Variants in STN1 observed in about 807,000 individuals in gnomAD.
STN1 encodes the protein STN1 subunit of CST complex, also known as CST complex subunit STN1.
STN1 carries 29 observed loss-of-function variants against 45.5 expected under a neutral mutation model. That is an observed-to-expected ratio of 0.64 (90% confidence interval 0.47 to 0.87). The LOEUF (loss-of-function observed/expected upper bound fraction) is 0.87, where lower values mean the gene tolerates loss of function less well. Among genes scored for constraint, STN1 ranks in the 40% least tolerant of loss-of-function variants. The probability of loss-of-function intolerance (pLI) is 0.00; values close to 1 mark genes in which losing one functional copy is unlikely to be tolerated. For missense variants in STN1, 376 were observed against 441.4 expected (o/e 0.85, Z 1.33); for synonymous variants, 148 against 159.0 (o/e 0.93, Z 0.52).
In STN1 at chr10:103,897,616, G is replaced by C. The variant is rs1389736599; in HGVS notation, c.685C>G (p.Leu229Val). 5 of 1,614,034 alleles carry C rather than the reference G, an allele frequency of 3.1e-6. No homozygotes were observed. The highest frequency in any genetic ancestry group is 4.2e-6 in the Non-Finnish European group (5 of 1,180,020). The change falls in exon 7 of 10, where the codon CTG (leucine) becomes GTG (valine). Residue 229 changes from leucine to valine, a missense_variant. Coordinates refer to ENST00000224950, the MANE Select transcript of STN1 (RefSeq NM_024928.5). ...GACAGCAAAGACTCCACCATTTCCAGCTCCTGCTGGTAAAAGCTCTGCACT... is the reference window on the plus strand; with the variant it reads ...GACAGCAAAGACTCCACCATTTCCACCTCCTGCTGGTAAAAGCTCTGCACT... ...NRVQSFYQQE[L>V]EMVESLLSLA...
chr10:103,909,462 A>ATATATG (rs1235767035), intron 3 of STN1, among the ~76,000 whole-genome samples: 2 of 102,732 alleles, frequency 1.9e-5, no homozygotes, highest in Admixed American at 1.1e-4. Flanking sequence ...GTATATATGT[A>ATATATG]TATATATGTA....
In STN1 at chr10:103,877,611, G is replaced by T. The variant is rs1244111222; in HGVS notation, c.*5073C>A. 6.6e-6 allele frequency: 1 copy of T among 152,208 alleles called. No individual in the cohort carries two copies. 9.4% of individuals were successfully genotyped at this position (152,208 alleles called of 1,614,324 possible). ...GGTTTATTTAATAAATACAGTAGAG[G>T]TTAACAGATGATAGTGCAAGTTCAA... On this transcript the variant is annotated 3_prime_UTR_variant, in exon 10 of 10. Transcript: ENST00000224950.
At position 103,881,533 on chromosome 10, in the gene STN1, A is replaced by G. The variant is rs1843068806; in HGVS notation, c.*1151T>C. The stretch of plus-strand genomic sequence containing the variant: ...AGGCAATCTACTGGTTCTAGCTCTC[A>G]GCCTGACGTATCGAGCTGCAGCGGA... On this transcript the variant is annotated 3_prime_UTR_variant, in exon 10 of 10. Coordinates refer to ENST00000224950, the MANE Select transcript of STN1 (RefSeq NM_024928.5). Among the ~76,000 whole-genome samples, 1 of 152,224 alleles carries G rather than the reference A, an allele frequency of 6.6e-6. No individual in the cohort carries two copies. The highest frequency in any genetic ancestry group is 1.5e-5 in the Non-Finnish European group (1 of 68,038).
At chr10:103,897,393 C>A (rs1262431020) in intron 7 of STN1, among the ~76,000 whole-genome samples, 155 bp downstream of exon 7, 1 of 152,100 alleles carries the variant, frequency 6.6e-6, no homozygotes, top group Admixed American at 6.5e-5. Context: ...TAGTCAATGA[C>A]CTTTCCAGAA....
chr10:103,896,668 G>C (rs552896322), intron 7 of STN1, among the ~76,000 whole-genome samples: 1,700 of 151,780 alleles, frequency 0.011, 30 homozygotes, highest in Non-Finnish European at 0.018. Context: ...GTGACAGTCA[G>C]GGGTCAGGGT....
intron 5 of STN1, 170 bp downstream of exon 5, chr10:103,899,888 AAAGT>A (rs1843195322): frequency 3.6e-6 from 2 of 557,356 alleles, no homozygotes; most frequent in Non-Finnish European, 6.2e-6. Context: ...CTTCAAAATA[AAAGT>A]AAGAAATGCT....
chr10:103,897,313 G>A (rs201190902), intron 7 of STN1, among the ~76,000 whole-genome samples: 115 of 149,812 alleles, frequency 7.7e-4, no homozygotes, highest in Non-Finnish European at 1.4e-3. Context: ...CTCTGTCTCC[G>A]AAAAAAAAAA....
chr10:103,897,164 GTAATTTTTTATTCTT>G (rs1417747251), intron 7 of STN1, among the ~76,000 whole-genome samples: 2 of 152,170 alleles, frequency 1.3e-5, no homozygotes, highest in African/African-American at 4.8e-5. Context: ...GAACACTTAA[GTAATTTTTTATTCTT>G]TAATTTTTTA....
Position 103,894,725 on chromosome 10 carries a change from A to C in STN1, c.754-2473T>G, listed in dbSNP as rs184366143. 5.6e-3 allele frequency among the ~76,000 whole-genome samples: 855 copies of C among 151,804 alleles called. 4 individuals are homozygous for C. The highest frequency in any genetic ancestry group is 0.01 in the Non-Finnish European group (682 of 67,908). On this transcript the variant is annotated intron_variant, in intron 7 of 9. Coordinates refer to ENST00000224950, the MANE Select transcript of STN1 (RefSeq NM_024928.5). ...AAAAAAACCAAACAAACAAAAAAAA[A>C]CAGTCACTAGCTAAACGTGCTGAGC...
chr10:103,892,759 G>C (rs1015763217), intron 7 of STN1, among the ~76,000 whole-genome samples: 2 of 152,144 alleles, frequency 1.3e-5, no homozygotes, highest in Non-Finnish European at 2.9e-5. Flanking sequence ...CCACCAAGGG[G>C]AGTCCACAAG....
intron 3 of STN1, among the ~76,000 whole-genome samples, chr10:103,906,426 G>A (rs977049183): frequency 2.0e-5 from 3 of 152,186 alleles, no homozygotes; most frequent in Admixed American, 2.0e-4. Context: ...GGAAGCCAAG[G>A]CAGGAGGATC....
Position 103,882,636 on chromosome 10 carries a change from G to A in STN1, c.*48C>T. ...ATGCTGAAAGTCAGAGCCTGGGGGT[G>A]AATGCCACCTTATCTTTGTCCTCCT... is the stretch of plus-strand genomic sequence containing the variant. On this transcript the variant is annotated 3_prime_UTR_variant, in exon 10 of 10. Transcript: ENST00000224950. The A allele has an allele frequency of 6.4e-7, 1 of 1,555,122 alleles. No individual in the cohort carries two copies. Among genetic ancestry groups the A allele is most frequent in the Non-Finnish European group, 8.7e-7 (1 of 1,146,230 alleles).
intron 9 of STN1, among the ~76,000 whole-genome samples, chr10:103,888,828 T>C (rs1009203423): frequency 1.3e-5 from 2 of 152,186 alleles, no homozygotes. Flanking sequence ...GAATCTGGGC[T>C]CTGAATGTTC....
rs1564634953 is a variant in STN1, at chr10:103,909,404, A to ATG, written c.229+1122_229+1123insCA. Among the ~76,000 whole-genome samples, 169 of 67,028 alleles carry ATG rather than the reference A, an allele frequency of 2.5e-3. 6 individuals are homozygous for ATG. Among genetic ancestry groups the ATG allele is most frequent in the South Asian group, 6.2e-3 (15 of 2,434 alleles). 44.0% of individuals were successfully genotyped at this position (67,028 alleles called of 152,430 possible). On this transcript the variant is annotated intron_variant, in intron 3 of 9. Coordinates refer to ENST00000224950, the MANE Select transcript of STN1 (RefSeq NM_024928.5). Reference sequence around the variant, plus strand: ...TGTATATATATGTATATATGTATATATATGTATATATGTATATATGTATAT... The same window carrying ATG: ...TGTATATATATGTATATATGTATATATGTATGTATATATGTATATATGTATAT...
chr10:103,893,007 G>A (rs759359651), intron 7 of STN1, among the ~76,000 whole-genome samples: 1 of 152,120 alleles, frequency 6.6e-6, no homozygotes, highest in Non-Finnish European at 1.5e-5. Context: ...GTTTCATCTT[G>A]GCCACCTCCT....
At chr10:103,912,128 CAA>C (rs1843295940) in intron 2 of STN1, among the ~76,000 whole-genome samples, 1 of 151,912 alleles carries the variant, frequency 6.6e-6, no homozygotes, top group East Asian at 1.9e-4. Context: ...GTGTCACCCC[CAA>C]AAAGAGAGTC....
In STN1 at chr10:103,878,018, C is replaced by T. The variant is rs1213771442; in HGVS notation, c.*4666G>A. ...TGGCACTAAGTCTTAGGTTCCTTGTCACTGAACAGCCTTCTTTCCACTTGG... is the reference window on the plus strand; with the variant it reads ...TGGCACTAAGTCTTAGGTTCCTTGTTACTGAACAGCCTTCTTTCCACTTGG... On this transcript the variant is annotated 3_prime_UTR_variant, in exon 10 of 10. Transcript: ENST00000224950. 1 of 152,210 alleles carries T rather than the reference C, an allele frequency of 6.6e-6. No individual in the cohort carries two copies. Among genetic ancestry groups the T allele is most frequent in the Non-Finnish European group, 1.5e-5 (1 of 68,014 alleles). The allele number at this position is 152,210 out of a possible 1,614,324, so 9.4% of individuals were successfully genotyped here. A position where few individuals can be genotyped will look rare whatever the true frequency, so the allele number is the denominator to read the frequency against.
At chr10:103,906,235 G>A (rs1374539884) in intron 3 of STN1, among the ~76,000 whole-genome samples, 1 of 152,218 alleles carries the variant, frequency 6.6e-6, no homozygotes, top group Non-Finnish European at 1.5e-5. Flanking sequence ...TACAGTGGGT[G>A]GGGTGAGACT....
At chr10:103,917,748 T>C (rs1221537001) in intron 1 of STN1, 92 bp from the exon 2 acceptor site, 6 of 733,604 alleles carry the variant, frequency 8.2e-6, no homozygotes, top group Non-Finnish European at 1.3e-5. Context: ...CGTCCAGGAC[T>C]CCAGGAGGGG....
Sources: gnomAD v4.1 joint callset for allele counts (sites outside exome capture counted in the v4.1 genomes callset) on GRCh38, gnomAD v4.1.1 for gene constraint, MANE v1.5 for transcripts, NCBI Gene and HGNC (gene_info 2026-07-23, HGNC 2026-07-21) for gene names.